The following SOX6 variants were observed in gnomAD, a reference collection of about 807,000 sequenced individuals.
SOX6 encodes SRY-box transcription factor 6.
SOX6 carries 11 observed loss-of-function variants against 97.8 expected under a neutral mutation model. That is an observed-to-expected ratio of 0.11 (90% CI 0.07 to 0.19). The LOEUF (loss-of-function observed/expected upper bound fraction) is 0.19. Among genes scored for constraint, SOX6 ranks in the 10% least tolerant of loss-of-function variants. SOX6 has a pLI of 1.00. For synonymous variants in SOX6, 360 were observed against 371.4 expected, an observed-to-expected ratio of 0.97 and a Z score of 0.35; for missense variants, 810 against 1,039.5, an observed-to-expected ratio of 0.78 and a Z score of 3.04.
intron 1 of SOX6, among the ~76,000 whole-genome samples, chr11:16,352,523 C>T (rs1229356732): frequency 6.6e-6 from 1 of 152,080 alleles, no homozygotes; most frequent in Non-Finnish European, 1.5e-5. Flanking sequence ...TGAAAACTTG[C>T]TTAAGGTCAT....
chr11:15,978,359 T>C (rs1234855115), intron 15 of SOX6, among the ~76,000 whole-genome samples: 1 of 152,066 alleles, frequency 6.6e-6, no homozygotes, highest in Non-Finnish European at 1.5e-5. Context: ...ATAATCTTCA[T>C]ATTGTTAAAT....
chr11:16,092,739 T>C (rs1848718693), intron 9 of SOX6, among the ~76,000 whole-genome samples: 1 of 151,604 alleles, frequency 6.6e-6, no homozygotes. Flanking sequence ...GCTACAACTA[T>C]GAGGCAACAC....
At chr11:16,254,713 T>A (rs1015462819) in intron 3 of SOX6, among the ~76,000 whole-genome samples, 3 of 151,502 alleles carry the variant, frequency 2.0e-5, no homozygotes, top group African/African-American at 7.3e-5. Flanking sequence ...AAAGCAAAAA[T>A]AAAAATGAAC....
chr11:16,066,752 G>A, intron 9 of SOX6, among the ~76,000 whole-genome samples: 1 of 152,118 alleles, frequency 6.6e-6, no homozygotes, highest in East Asian at 1.9e-4. Flanking sequence ...AGGCTAGGAA[G>A]GATAATGGGA....
chr11:16,378,041 T>C (rs776825342), intron 1 of SOX6, among the ~76,000 whole-genome samples: 1 of 152,152 alleles, frequency 6.6e-6, no homozygotes, highest in Non-Finnish European at 1.5e-5. Flanking sequence ...GATGTCATCA[T>C]AATAATGTTC....
intron 3 of SOX6, among the ~76,000 whole-genome samples, chr11:16,619,920 AT>A (rs1308236912): frequency 6.6e-6 from 1 of 152,148 alleles, no homozygotes; most frequent in Non-Finnish European, 1.5e-5. Context: ...CCAAATTATA[AT>A]AAAGAGTAAA....
chr11:16,007,223 C>A (rs1266160631), intron 13 of SOX6, among the ~76,000 whole-genome samples: 5 of 152,078 alleles, frequency 3.3e-5, no homozygotes, highest in Non-Finnish European at 7.4e-5. Context: ...ATGGTATAGT[C>A]CATTGCTCCT....
At chr11:16,026,463 C>T (rs1046975326) in intron 12 of SOX6, among the ~76,000 whole-genome samples, 1 of 152,164 alleles carries the variant, frequency 6.6e-6, no homozygotes, top group African/African-American at 2.4e-5. Context: ...TCAGAGGGAA[C>T]ACATTTTCAT....
chr11:16,729,280 G>T (rs1287324321), intron 2 of SOX6, among the ~76,000 whole-genome samples: 1 of 152,264 alleles, frequency 6.6e-6, no homozygotes, highest in East Asian at 1.9e-4. Context: ...ATAATTTTCA[G>T]ATTCACCAAG....
intron 3 of SOX6, among the ~76,000 whole-genome samples, chr11:16,638,612 T>C (rs992833464): frequency 6.6e-6 from 1 of 152,234 alleles, no homozygotes. Context: ...ATCACCATTC[T>C]AACTGGTCTG....
At chr11:16,492,240 A>G (rs951037926) in intron 4 of SOX6, among the ~76,000 whole-genome samples, 8 of 152,232 alleles carry the variant, frequency 5.3e-5, no homozygotes, top group Non-Finnish European at 1.5e-5. Context: ...TATCTACAAA[A>G]TAGAAAAGAT....
chr11:16,481,687 A>T (rs1860346017), intron 4 of SOX6, among the ~76,000 whole-genome samples: 1 of 152,158 alleles, frequency 6.6e-6, no homozygotes, highest in Non-Finnish European at 1.5e-5. Flanking sequence ...ATGTTACAAT[A>T]GCATGGTTGC....
At chr11:16,646,223 TC>T (rs1156774125) in intron 3 of SOX6, 1 of 152,122 alleles carries the variant, frequency 6.6e-6, no homozygotes, top group Non-Finnish European at 1.5e-5. Flanking sequence ...ATTGGATACA[TC>T]CCCATAAACT....
chr11:16,147,174 T>TA (rs1054379232), intron 6 of SOX6, among the ~76,000 whole-genome samples: 1 of 151,876 alleles, frequency 6.6e-6, no homozygotes, highest in Non-Finnish European at 1.5e-5. Context: ...TATGCAGCCA[T>TA]AAAAAAGGAT....
At chr11:16,703,446 C>T (rs1357218299) in intron 3 of SOX6, among the ~76,000 whole-genome samples, 2 of 152,090 alleles carry the variant, frequency 1.3e-5, no homozygotes, top group African/African-American at 4.8e-5. Flanking sequence ...GGATGGAGAC[C>T]TCTGTGCCAA....
At position 16,533,656 on chromosome 11, in the gene SOX6, T is replaced by G. The variant is rs116770685; in HGVS notation, n.610-57268A>C. Among the ~76,000 whole-genome samples the G allele has an allele frequency of 3.1e-3, 475 of 152,170 alleles. 4 individuals carry two copies. The highest frequency in any genetic ancestry group is 0.011 in the African/African-American group (448 of 41,568). On this transcript the variant is annotated intron_variant and non_coding_transcript_variant, in intron 4 of 5. Coordinates refer to the SOX6 transcript ENST00000524520. ...GAGTAATATTGCTAACTTTTAATTT[T>G]GTCCTATTGGGATGCACGTTTGAAC...
At chr11:16,035,938 A>G (rs1224898878) in intron 12 of SOX6, among the ~76,000 whole-genome samples, 2 of 152,174 alleles carry the variant, frequency 1.3e-5, no homozygotes, top group Non-Finnish European at 2.9e-5. Flanking sequence ...ACTGAGTGCC[A>G]GAGAGACAGA....
chr11:15,991,211 G>T (rs1854041610), intron 13 of SOX6, among the ~76,000 whole-genome samples: 1 of 151,964 alleles, frequency 6.6e-6, no homozygotes, highest in Non-Finnish European at 1.5e-5. Context: ...ATACCTTTTT[G>T]CCACGATACC....
chr11:16,684,742 TAAATA>T (rs1408566923), intron 3 of SOX6, among the ~76,000 whole-genome samples: 2 of 150,700 alleles, frequency 1.3e-5, no homozygotes, highest in Non-Finnish European at 3.0e-5. Flanking sequence ...TAAAAATAAA[TAAATA>T]AAATAAAAGT....
Sources: gnomAD v4.1 joint callset for allele counts (sites outside exome capture counted in the v4.1 genomes callset) on GRCh38, gnomAD v4.1.1 for gene constraint, MANE v1.5 for transcripts, NCBI Gene and HGNC (gene_info 2026-07-23, HGNC 2026-07-21) for gene names.